Variants in FGF14 observed in about 807,000 individuals in gnomAD.
FGF14 encodes fibroblast growth factor 14.
Under a neutral mutation model 25.5 loss-of-function variants are expected in FGF14, and 5 were observed. The ratio of observed to expected loss-of-function variants is 0.20; its 90% CI spans 0.10 to 0.41. The LOEUF is 0.41. FGF14 is among the 10% of genes least tolerant of loss of function. The probability of loss-of-function intolerance (pLI) is 1.00; values close to 1 mark genes in which losing one functional copy is unlikely to be tolerated. For missense variants in FGF14, 222 were observed against 320.1 expected (o/e 0.69, Z 2.34); for synonymous variants, 138 against 118.3 (o/e 1.17, Z -1.08).
chr13:102,292,278 C>CAAAAAAAAAAA (rs10593906), intron 1 of FGF14: 2 of 66,792 alleles, frequency 3.0e-5, no homozygotes, highest in East Asian at 4.8e-4. Flanking sequence ...TACTCTATAG[C>CAAAAAAAAAAA]AAAAAAAAAA....
chr13:102,204,133 C>T (rs936965130), intron 1 of FGF14, among the ~76,000 whole-genome samples: 2 of 152,154 alleles, frequency 1.3e-5, no homozygotes, highest in Non-Finnish European at 2.9e-5. Context: ...GCTTCAGATT[C>T]GGGCAGGTTT....
intron 1 of FGF14, among the ~76,000 whole-genome samples, chr13:102,115,489 T>C (rs2045426920): frequency 1.3e-5 from 2 of 152,192 alleles, no homozygotes; most frequent in Non-Finnish European, 2.9e-5. Context: ...TGATGAGCAT[T>C]TCTTCATGTC....
intron 1 of FGF14, among the ~76,000 whole-genome samples, chr13:102,217,344 C>T (rs868158670): frequency 1.2e-4 from 18 of 152,240 alleles, no homozygotes; most frequent in South Asian, 2.1e-4. Flanking sequence ...CTATCTTCTT[C>T]CATGGAGAAG....
At chr13:101,772,954 CAT>C (rs2038871856) in intron 3 of FGF14, among the ~76,000 whole-genome samples, 1 of 152,044 alleles carries the variant, frequency 6.6e-6, no homozygotes, top group Non-Finnish European at 1.5e-5. Context: ...GATTTCTAAA[CAT>C]AAAAAATATA....
At chr13:102,188,088 T>C (rs1353842844) in intron 1 of FGF14, among the ~76,000 whole-genome samples, 1 of 152,166 alleles carries the variant, frequency 6.6e-6, no homozygotes, top group Non-Finnish European at 1.5e-5. Context: ...TTTACAGCAA[T>C]TGTGAAATGC....
intron 1 of FGF14, chr13:102,017,084 T>C (rs750067217): frequency 3.4e-4 from 54 of 160,438 alleles, no homozygotes; most frequent in Non-Finnish European, 5.6e-4. Context: ...TTTTTTAACA[T>C]ACACTTTAAC....
At chr13:102,099,447 T>C (rs1376296113) in intron 1 of FGF14, among the ~76,000 whole-genome samples, 1 of 152,176 alleles carries the variant, frequency 6.6e-6, no homozygotes, top group African/African-American at 2.4e-5. Context: ...TAGAGCCAGA[T>C]TGTCAATGAT....
chr13:101,887,235 C>T (rs756421706), intron 1 of FGF14, among the ~76,000 whole-genome samples: 17 of 151,934 alleles, frequency 1.1e-4, no homozygotes, highest in Non-Finnish European at 2.1e-4. Flanking sequence ...TGTTGTATCA[C>T]TCTTCACAAT....
At chr13:101,945,068 C>T (rs1005012394) in intron 1 of FGF14, among the ~76,000 whole-genome samples, 5 of 152,164 alleles carry the variant, frequency 3.3e-5, no homozygotes, top group South Asian at 2.1e-4. Flanking sequence ...GTAATCCCAG[C>T]GCTTTGGGAG....
chr13:102,154,294 C>T (rs1355751650), intron 1 of FGF14, among the ~76,000 whole-genome samples: 1 of 151,888 alleles, frequency 6.6e-6, no homozygotes, highest in African/African-American at 2.4e-5. Context: ...CAAAGGGAAG[C>T]CCATCAGACT....
At chr13:102,177,664 T>C (rs1036523706) in intron 1 of FGF14, among the ~76,000 whole-genome samples, 1 of 152,050 alleles carries the variant, frequency 6.6e-6, no homozygotes, top group Admixed American at 6.6e-5. Context: ...TCTTAAAGTC[T>C]GCTTGAGTGA....
At chr13:101,771,185 T>G (rs2038746959) in intron 3 of FGF14, among the ~76,000 whole-genome samples, 1 of 152,026 alleles carries the variant, frequency 6.6e-6, no homozygotes, top group Non-Finnish European at 1.5e-5. Context: ...ATGGAAAGAT[T>G]CAAGCCCCTA....
intron 1 of FGF14, among the ~76,000 whole-genome samples, chr13:102,229,550 T>C (rs538099139): frequency 6.6e-6 from 1 of 152,312 alleles, no homozygotes; most frequent in South Asian, 2.1e-4. Context: ...AGGATTTTCA[T>C]GGCAGACAAC....
intron 1 of FGF14, among the ~76,000 whole-genome samples, chr13:102,008,848 G>A (rs1261729097): frequency 6.6e-6 from 1 of 152,210 alleles, no homozygotes; most frequent in African/African-American, 2.4e-5. Flanking sequence ...TAATTTTTGG[G>A]TGGGAAAGAT....
chr13:101,826,861 T>C (rs2042417585), intron 3 of FGF14, among the ~76,000 whole-genome samples: 1 of 152,026 alleles, frequency 6.6e-6, no homozygotes, highest in African/African-American at 2.4e-5. Flanking sequence ...TAGTGCTCAC[T>C]GTGGCTTTTC....
At chr13:102,195,391 T>C (rs540020202) in intron 1 of FGF14, among the ~76,000 whole-genome samples, 9 of 152,296 alleles carry the variant, frequency 5.9e-5, no homozygotes, top group African/African-American at 1.9e-4. Context: ...CAAAATTTTA[T>C]ATACCACTGA....
intron 1 of FGF14, among the ~76,000 whole-genome samples, chr13:102,223,010 A>G (rs948471710): frequency 1.3e-5 from 2 of 152,196 alleles, no homozygotes; most frequent in African/African-American, 2.4e-5. Context: ...TTCATCATCT[A>G]TCGGGATGCT....
chr13:102,156,579 C>T (rs1380470870), intron 1 of FGF14, among the ~76,000 whole-genome samples: 2 of 152,198 alleles, frequency 1.3e-5, no homozygotes, highest in African/African-American at 4.8e-5. Flanking sequence ...AAACTGGAAG[C>T]ATTCCCTTTG....
At chr13:102,239,244 G>GT (rs1177310464) in intron 1 of FGF14, among the ~76,000 whole-genome samples, 3 of 152,154 alleles carry the variant, frequency 2.0e-5, no homozygotes, top group East Asian at 1.9e-4. Context: ...GGCCAAACTG[G>GT]TTTTTTTGGG....
Sources: allele counts gnomAD v4.1 joint callset (sites outside exome capture counted in the v4.1 genomes callset), GRCh38; gene constraint gnomAD v4.1.1; transcripts MANE v1.5; gene names NCBI Gene and HGNC (gene_info 2026-07-23, HGNC 2026-07-21).